The following CASD1 variants were observed in gnomAD, a reference collection of about 807,000 sequenced individuals.
The protein encoded by CASD1 is N-acetylneuraminate (7)9-O-acetyltransferase.
In CASD1, 41 loss-of-function variants were observed where a neutral mutation model predicts 100.0. The ratio of observed to expected loss-of-function variants is 0.41; its 90% CI spans 0.32 to 0.53. The LOEUF is 0.53. Among genes scored for constraint, CASD1 ranks in the 20% least tolerant of loss-of-function variants. CASD1 has a pLI of 0.25. For missense variants in CASD1, 774 were observed against 948.7 expected (o/e 0.82, Z 2.42); for synonymous variants, 321 against 315.6 (o/e 1.02, Z -0.18).
chr7:94,612,456 A>G, the CASD1 span, among the ~76,000 whole-genome samples: 1 of 152,176 alleles, frequency 6.6e-6, no homozygotes, highest in Non-Finnish European at 1.5e-5. Context: ...CACTTATTGC[A>G]TCATAAGCAT....
the CASD1 span, among the ~76,000 whole-genome samples, chr7:94,615,098 C>T: frequency 1.4e-4 from 21 of 152,264 alleles, no homozygotes; most frequent in African/African-American, 3.1e-4. Context: ...CAGTAGCTCA[C>T]GCCTGTAAGC....
At chr7:94,551,029 T>C (rs1425244140) in intron 14 of CASD1, among the ~76,000 whole-genome samples, 1 of 152,170 alleles carries the variant, frequency 6.6e-6, no homozygotes, top group East Asian at 1.9e-4. Context: ...ATCATATGTC[T>C]GTAGGAGAGT....
Position 94,551,358 on chromosome 7 carries a change from G to A in CASD1, c.1836G>A (p.Leu612=). Residue 612 remains leucine, a synonymous_variant, in exon 15 of 18, where the codon CTG becomes CTA. Coordinates refer to ENST00000297273, the MANE Select transcript of CASD1 (RefSeq NM_022900.5). Reference sequence around the variant, plus strand: ...TTCAGGTAGTTTTCCACGGAATGCTGTTTGCTTTTATTTATCTGGCTTTGC... The same window carrying A: ...TTCAGGTAGTTTTCCACGGAATGCTATTTGCTTTTATTTATCTGGCTTTGC... The part of the protein sequence containing the change: ...LDRYVVFHGM[L]FAFIYLALQK... The A allele has an allele frequency of 6.5e-7, 1 of 1,538,332 alleles. No individual in the cohort carries two copies. Among genetic ancestry groups the A allele is most frequent in the Non-Finnish European group, 8.7e-7 (1 of 1,151,162 alleles).
At chr7:94,570,191 CT>C in the CASD1 span, among the ~76,000 whole-genome samples, 1 of 152,092 alleles carries the variant, frequency 6.6e-6, no homozygotes, top group East Asian at 1.9e-4. Flanking sequence ...TAATTATTTT[CT>C]GCCTGTCTTA....
At chr7:94,587,653 A>G in the CASD1 span, 1 of 1,483,624 alleles carries the variant, frequency 6.7e-7, no homozygotes, top group Non-Finnish European at 8.9e-7. Flanking sequence ...CCAACACATC[A>G]ATATATTGAA....
rs62465719 is a variant in CASD1, at chr7:94,537,162, G to A, written c.844-310G>A. ...TGGTGTTGGGAAGAAAAAAAAAAAG[G>A]AATAGAATAGAACAATCTCAGAGTG... On this transcript the variant is annotated intron_variant, in intron 8 of 17. Transcript: ENST00000297273. Among the ~76,000 whole-genome samples, 431 of 152,028 alleles carry A rather than the reference G, an allele frequency of 2.8e-3. 3 individuals are homozygous for A. The highest frequency in any genetic ancestry group is 0.01 in the African/African-American group (416 of 41,476).
At chr7:94,513,340 A>ATT (rs201286262) in intron 1 of CASD1, among the ~76,000 whole-genome samples, 10 of 146,820 alleles carry the variant, frequency 6.8e-5, no homozygotes, top group African/African-American at 2.0e-4. Flanking sequence ...GAGTTTTTCT[A>ATT]TTTTTTTTTC....
chr7:94,609,095 T>A, the CASD1 span, among the ~76,000 whole-genome samples: 2 of 152,164 alleles, frequency 1.3e-5, no homozygotes, highest in Non-Finnish European at 2.9e-5. Context: ...AAATTTCTCT[T>A]CTGCAAAAGA....
chr7:94,526,773 C>CAA (rs1179559622), intron 3 of CASD1, among the ~76,000 whole-genome samples: 1 of 152,144 alleles, frequency 6.6e-6, no homozygotes, highest in Non-Finnish European at 1.5e-5. Flanking sequence ...GCCCAGGCAA[C>CAA]AGAGTGAGAC....
chr7:94,580,455 A>G, the CASD1 span, among the ~76,000 whole-genome samples: 1 of 152,110 alleles, frequency 6.6e-6, no homozygotes, highest in African/African-American at 2.4e-5. Context: ...ATTCTTCATC[A>G]TCTTAGCATT....
the CASD1 span, chr7:94,629,072 CAATAT>C: frequency 6.6e-6 from 1 of 152,014 alleles, no homozygotes; most frequent in African/African-American, 2.4e-5. Flanking sequence ...CATTCTTATA[CAATAT>C]AATTTTCAGA....
the CASD1 span, chr7:94,600,192 T>C: frequency 2.7e-5 from 5 of 186,884 alleles, no homozygotes; most frequent in East Asian, 7.4e-4. Flanking sequence ...ACTCCTAAGT[T>C]GGGTTTTAAA....
At chr7:94,579,983 GT>G in the CASD1 span, among the ~76,000 whole-genome samples, 13 of 152,118 alleles carry the variant, frequency 8.5e-5, no homozygotes, top group Non-Finnish European at 1.8e-4. Context: ...GCTCCTCTCT[GT>G]TCCTCAACAC....
At chr7:94,580,348 A>G in the CASD1 span, among the ~76,000 whole-genome samples, 1 of 152,134 alleles carries the variant, frequency 6.6e-6, no homozygotes, top group Non-Finnish European at 1.5e-5. Flanking sequence ...TACTGCGGCT[A>G]CACTGGACTT....
At chr7:94,537,989 A>C in intron 9 of CASD1, 95 bp downstream of exon 9, 1 of 721,874 alleles carries the variant, frequency 1.4e-6, no homozygotes, top group Admixed American at 2.9e-5. Flanking sequence ...GACAAAATAC[A>C]CAAACAGGTA....
chr7:94,555,650 T>A lies in CASD1; in HGVS notation c.2286T>A (p.Ile762=), dbSNP rs375717351. ...ISQITNDLAQ[I]IIPKDNSSLL... is the part of the protein sequence containing the mutation. ...AGATCACTAATGATCTTGCACAGATTATTATTCCTAAAGATAACTCATCTC... is the reference window on the plus strand; with the variant it reads ...AGATCACTAATGATCTTGCACAGATAATTATTCCTAAAGATAACTCATCTC... The change falls in exon 18 of 18, where the codon ATT becomes ATA. Residue 762 remains isoleucine, a synonymous_variant. Transcript: ENST00000297273. The A allele has an allele frequency of 1.9e-6, 3 of 1,613,262 alleles. No individual in the cohort carries two copies. The African/African-American group carries it at 4.0e-5, about 22-fold the overall frequency.
At chr7:94,622,399 A>C in the CASD1 span, 1 of 152,278 alleles carries the variant, frequency 6.6e-6, no homozygotes, top group African/African-American at 2.4e-5. Flanking sequence ...AGGCCAAGGC[A>C]GGTGGATCAC....
In CASD1 at chr7:94,523,976, G is replaced by A. The variant is rs547482448; in HGVS notation, c.352-3186G>A. Among the ~76,000 whole-genome samples the A allele has an allele frequency of 2.0e-5, 3 of 152,016 alleles. No homozygotes were observed. The South Asian group carries it at 6.2e-4, about 31-fold the overall frequency. ...GGTCTGTTCAGTTAATTGTGCTAAA[G>A]CAATTAGCACATGGAAAAAGTTGAA... is the stretch of plus-strand genomic sequence containing the variant. On this transcript the variant is annotated intron_variant, in intron 3 of 17. Coordinates refer to ENST00000297273, the MANE Select transcript of CASD1 (RefSeq NM_022900.5).
chr7:94,603,507 A>C, the CASD1 span: 3 of 1,526,670 alleles, frequency 2.0e-6, no homozygotes, highest in Non-Finnish European at 2.7e-6. Context: ...AAACACTAAA[A>C]AACAATCCAC....
Sources: allele counts gnomAD v4.1 joint callset (sites outside exome capture counted in the v4.1 genomes callset), GRCh38; gene constraint gnomAD v4.1.1; transcripts MANE v1.5; gene names NCBI Gene and HGNC (gene_info 2026-07-23, HGNC 2026-07-21).